Variants in CATSPERT observed in about 807,000 individuals in gnomAD.
CATSPERT encodes cation channel sperm-associated targeting subunit tau.
chr2:201,549,438 C>T, the CATSPERT span, among the ~76,000 whole-genome samples: 1 of 151,918 alleles, frequency 6.6e-6, no homozygotes, highest in Admixed American at 6.6e-5. Context: ...TCATGGCCAC[C>T]CATAACCATA....
chr2:201,572,356 A>T, the CATSPERT span, among the ~76,000 whole-genome samples: 13 of 152,122 alleles, frequency 8.5e-5, no homozygotes, highest in African/African-American at 3.1e-4. Flanking sequence ...TCAGGACTTG[A>T]ATGTAGCTTT....
At chr2:201,587,185 A>G in the CATSPERT span, among the ~76,000 whole-genome samples, 1 of 152,246 alleles carries the variant, frequency 6.6e-6, no homozygotes, top group South Asian at 2.1e-4. Flanking sequence ...ATATGCTACA[A>G]TTCCTATCAT....
At chr2:201,590,055 T>C in the CATSPERT span, among the ~76,000 whole-genome samples, 3 of 152,094 alleles carry the variant, frequency 2.0e-5, no homozygotes, top group Admixed American at 1.3e-4. Flanking sequence ...TACATATGTA[T>C]ACATGTGCCA....
At chr2:201,527,882 T>G in the CATSPERT span, among the ~76,000 whole-genome samples, 1 of 151,532 alleles carries the variant, frequency 6.6e-6, no homozygotes, top group East Asian at 1.9e-4. Flanking sequence ...CAAAAACAAT[T>G]GCAACAAAAA....
At chr2:201,618,141 G>A in the CATSPERT span, among the ~76,000 whole-genome samples, 1 of 152,208 alleles carries the variant, frequency 6.6e-6, no homozygotes, top group African/African-American at 2.4e-5. Context: ...CATTGTGGAA[G>A]ACAGTGTGGC....
the CATSPERT span, among the ~76,000 whole-genome samples, chr2:201,498,027 T>C: frequency 6.6e-6 from 1 of 152,132 alleles, no homozygotes; most frequent in Non-Finnish European, 1.5e-5. Context: ...CAATAGTTAT[T>C]AGAGATGTAA....
chr2:201,564,184 C>T, the CATSPERT span, among the ~76,000 whole-genome samples: 2 of 152,170 alleles, frequency 1.3e-5, no homozygotes, highest in Non-Finnish European at 2.9e-5. Context: ...GAGACTAACC[C>T]CCCTCACAAG....
the CATSPERT span, among the ~76,000 whole-genome samples, chr2:201,528,529 G>A: frequency 0.61 from 93,172 of 152,018 alleles, 30,331 homozygotes; most frequent in East Asian, 0.95. Flanking sequence ...ATCAATGGTA[G>A]ATTGGATAAG....
At chr2:201,506,387 C>G in the CATSPERT span, among the ~76,000 whole-genome samples, 1 of 152,136 alleles carries the variant, frequency 6.6e-6, no homozygotes, top group Non-Finnish European at 1.5e-5. Context: ...TAAGTTATAG[C>G]AAATTCTGTG....
At chr2:201,547,495 T>G in the CATSPERT span, 185 of 1,396,132 alleles carry the variant, frequency 1.3e-4, no homozygotes, top group Admixed American at 1.8e-4. Context: ...GAATGTATTA[T>G]GTCAATTACC....
the CATSPERT span, among the ~76,000 whole-genome samples, chr2:201,595,985 A>C: frequency 6.6e-6 from 1 of 151,954 alleles, no homozygotes; most frequent in Admixed American, 6.5e-5. Context: ...TGGGAGTATA[A>C]ATAAGTTCAA....
the CATSPERT span, chr2:201,492,789 C>T: frequency 1.3e-6 from 2 of 1,536,290 alleles, no homozygotes; most frequent in African/African-American, 2.7e-5. Flanking sequence ...TCTCATTCAT[C>T]AGATACAGAT....
chr2:201,495,782 T>C, the CATSPERT span: 1 of 565,550 alleles, frequency 1.8e-6, no homozygotes, highest in South Asian at 3.3e-5. Context: ...GTGTATTTTT[T>C]ACAGTAGCCA....
the CATSPERT span, chr2:201,554,991 G>A: frequency 6.6e-6 from 1 of 152,064 alleles, no homozygotes; most frequent in Non-Finnish European, 1.5e-5. Context: ...TAGCATTTAT[G>A]GTCAAAATAC....
At chr2:201,599,622 G>A in the CATSPERT span, among the ~76,000 whole-genome samples, 1 of 151,334 alleles carries the variant, frequency 6.6e-6, no homozygotes, top group Non-Finnish European at 1.5e-5. Context: ...GCTTTTTTAT[G>A]TTTCTTTGTT....
the CATSPERT span, among the ~76,000 whole-genome samples, chr2:201,594,208 T>C: frequency 6.6e-6 from 1 of 152,220 alleles, no homozygotes; most frequent in Non-Finnish European, 1.5e-5. Context: ...TGCTTGTCTG[T>C]AAAGTGTTTT....
At chr2:201,618,248 T>C in the CATSPERT span, among the ~76,000 whole-genome samples, 1 of 152,088 alleles carries the variant, frequency 6.6e-6, no homozygotes, top group African/African-American at 2.4e-5. Context: ...TGCTATAAAG[T>C]CACGTGCACA....
the CATSPERT span, among the ~76,000 whole-genome samples, chr2:201,497,898 T>C: frequency 1.3e-5 from 2 of 152,240 alleles, no homozygotes; most frequent in South Asian, 4.1e-4. Context: ...ACCATGGCAA[T>C]ACTAGAAATC....
chr2:201,491,479 A>G, the CATSPERT span: 1 of 1,536,592 alleles, frequency 6.5e-7, no homozygotes, highest in Non-Finnish European at 8.7e-7. Context: ...AAGAGTTTGT[A>G]TTTCTTTTTT....
Sources: allele counts gnomAD v4.1 joint callset (sites outside exome capture counted in the v4.1 genomes callset), GRCh38; gene constraint gnomAD v4.1.1; transcripts MANE v1.5; gene names NCBI Gene and HGNC (gene_info 2026-07-23, HGNC 2026-07-21).